The following DNER variants were observed in gnomAD, a reference collection of about 807,000 sequenced individuals.
DNER encodes delta/notch like EGF repeat containing.
DNER carries 33 observed loss-of-function variants against 78.2 expected under a neutral mutation model. That is an observed-to-expected ratio of 0.42 (90% CI 0.32 to 0.56). DNER has a LOEUF of 0.56. DNER is among the 20% of genes least tolerant of loss of function. The pLI is 0.11. For missense variants in DNER, 918 were observed against 975.3 expected (o/e 0.94, Z 0.78); for synonymous variants, 417 against 384.8 (o/e 1.08, Z -0.98).
Position 229,585,929 on chromosome 2 carries a change from G to T in DNER, c.776C>A (p.Thr259Asn), listed in dbSNP as rs1214258442. The T allele has an allele frequency of 2.5e-6, 4 of 1,614,070 alleles. No individual in the cohort carries two copies. The Admixed American group carries it at 5.0e-5, about 20-fold the overall frequency. ...CAGTCCCCCTGAAGCCTGAAGGGGG[G>T]TCACACTTCGTCCATCTATGAGGGA... ...QCSLIDGRSVTPLQASGGLVL... is the reference protein window; with the variant it reads ...QCSLIDGRSVNPLQASGGLVL... Residue 259 changes from threonine to asparagine, a missense_variant, in exon 4 of 13, where the codon ACC becomes AAC. Physicochemically the swap from Thr to Asn is moderately conservative, Grantham distance 65. Coordinates refer to ENST00000341772, the MANE Select transcript of DNER (RefSeq NM_139072.4).
chr2:229,400,049 G>GT (rs1559341499), intron 10 of DNER, among the ~76,000 whole-genome samples: 9 of 151,726 alleles, frequency 5.9e-5, no homozygotes, highest in Non-Finnish European at 1.3e-4. Context: ...TTTCCACAAG[G>GT]GTATAAGTTA....
chr2:229,516,374 G>T (rs1391192664), intron 5 of DNER, among the ~76,000 whole-genome samples: 1 of 152,168 alleles, frequency 6.6e-6, no homozygotes, highest in African/African-American at 2.4e-5. Context: ...TTAACTCATT[G>T]CCTGTGATAT....
intron 4 of DNER, among the ~76,000 whole-genome samples, chr2:229,563,333 GACCATCATCATCATCCTCCTTACCCCATC>G (rs1289562683): frequency 2.6e-4 from 12 of 46,218 alleles, no homozygotes; most frequent in Non-Finnish European, 5.2e-4. Context: ...ATCACACCAT[GACCATCATCATCATCCTCCTTACCCCATC>G]ACCATCATCA....
chr2:229,463,653 T>C (rs2154210930), intron 7 of DNER, among the ~76,000 whole-genome samples: 1 of 152,266 alleles, frequency 6.6e-6, no homozygotes, highest in Non-Finnish European at 1.5e-5. Context: ...TTGCCCAGGC[T>C]TGTCTTGAAC....
At chr2:229,470,180 T>C (rs1281974204) in intron 7 of DNER, among the ~76,000 whole-genome samples, 1 of 150,784 alleles carries the variant, frequency 6.6e-6, no homozygotes, top group Non-Finnish European at 1.5e-5. Flanking sequence ...GACACACACC[T>C]TTAGAAATCA....
At chr2:229,623,395 C>G (rs1019085232) in intron 1 of DNER, among the ~76,000 whole-genome samples, 4 of 152,144 alleles carry the variant, frequency 2.6e-5, no homozygotes, top group Non-Finnish European at 5.9e-5. Context: ...TGCCTGCTCC[C>G]CCTCCCATCA....
At position 229,453,939 on chromosome 2, in the gene DNER, AAAAG is replaced by A. The variant is rs1379205592; in HGVS notation, c.1262-6403_1262-6400del. 1.3e-4 allele frequency among the ~76,000 whole-genome samples: 18 copies of A among 138,354 alleles called. No individual in the cohort carries two copies. In the East Asian group the frequency reaches 3.5e-3, roughly 27 times the overall value. 90.8% of individuals were successfully genotyped at this position (138,354 alleles called of 152,430 possible). ...ATATATTAAAAAAAAAAAAAAAAAAAAAAGAAAGAAGAGAAACCAGGAGAGAAAG... is the reference window on the plus strand; with the variant it reads ...ATATATTAAAAAAAAAAAAAAAAAAAAAAGAAGAGAAACCAGGAGAGAAAG... On this transcript the variant is annotated intron_variant, in intron 7 of 12. Coordinates refer to ENST00000341772, the MANE Select transcript of DNER (RefSeq NM_139072.4).
chr2:229,592,757 C>T (rs1697631920), intron 1 of DNER, among the ~76,000 whole-genome samples: 1 of 152,184 alleles, frequency 6.6e-6, no homozygotes, highest in African/African-American at 2.4e-5. Context: ...GTTCTCAGCA[C>T]CTGTTCAATT....
intron 1 of DNER, among the ~76,000 whole-genome samples, chr2:229,650,709 C>T (rs541058666): frequency 3.1e-4 from 47 of 152,304 alleles, no homozygotes; most frequent in Non-Finnish European, 8.8e-5. Context: ...CCTGCCAGAA[C>T]GGGCTCTACT....
At chr2:229,500,431 C>T (rs1033636375) in intron 6 of DNER, among the ~76,000 whole-genome samples, 1 of 152,074 alleles carries the variant, frequency 6.6e-6, no homozygotes, top group Non-Finnish European at 1.5e-5. Context: ...CTCTTGAACA[C>T]TGGGAATGCA....
At chr2:229,496,640 G>A (rs1379603325) in intron 6 of DNER, among the ~76,000 whole-genome samples, 1 of 152,146 alleles carries the variant, frequency 6.6e-6, no homozygotes. Context: ...AACCAAAAGA[G>A]AGCAGGGATA....
rs190823546 is a variant in DNER, at chr2:229,643,231, T to C, written c.277-51343A>G. Among the ~76,000 whole-genome samples the C allele has an allele frequency of 1.4e-3, 211 of 152,038 alleles. 1 individual carries two copies. Among genetic ancestry groups the C allele is most frequent in the African/African-American group, 4.2e-3 (175 of 41,452 alleles). On this transcript the variant is annotated intron_variant, in intron 1 of 12. Coordinates refer to ENST00000341772, the MANE Select transcript of DNER (RefSeq NM_139072.4). ...GCCCCTGTCTCAAAAATAATAATAA[T>C]AATAAGGAATTTGAATAGTGTAGTG...
chr2:229,713,451 C>G (rs1213331551), intron 1 of DNER, among the ~76,000 whole-genome samples: 2 of 152,222 alleles, frequency 1.3e-5, no homozygotes, highest in African/African-American at 4.8e-5. Context: ...CAGCCCCAAG[C>G]GTGCGCCCCG....
intron 2 of DNER, among the ~76,000 whole-genome samples, chr2:229,590,077 G>C (rs570043596): frequency 6.6e-6 from 1 of 151,082 alleles, no homozygotes. Context: ...GATGAAACCC[G>C]TAATAATAAC....
intron 1 of DNER, among the ~76,000 whole-genome samples, chr2:229,640,201 T>G (rs1698592580): frequency 6.6e-6 from 1 of 152,242 alleles, no homozygotes. Flanking sequence ...AAGTGTGCTT[T>G]CGTGAAGTAA....
At chr2:229,536,911 T>C (rs1696414724) in intron 5 of DNER, among the ~76,000 whole-genome samples, 1 of 152,198 alleles carries the variant, frequency 6.6e-6, no homozygotes, top group Admixed American at 6.5e-5. Flanking sequence ...TACCCTCATT[T>C]TCTCAAACTT....
intron 5 of DNER, among the ~76,000 whole-genome samples, chr2:229,533,487 T>C (rs1325104826): frequency 6.6e-6 from 1 of 152,144 alleles, no homozygotes; most frequent in African/African-American, 2.4e-5. Context: ...AAATGTCAAT[T>C]TCACCTCGAA....
chr2:229,582,627 C>T (rs181066644), intron 4 of DNER, among the ~76,000 whole-genome samples: 397 of 152,206 alleles, frequency 2.6e-3, no homozygotes, highest in Non-Finnish European at 4.4e-3. Context: ...AATTCCTTAA[C>T]ATAGTTATTA....
intron 1 of DNER, among the ~76,000 whole-genome samples, chr2:229,593,389 G>A (rs559762263): frequency 9.2e-5 from 14 of 152,214 alleles, no homozygotes; most frequent in South Asian, 4.1e-4. Flanking sequence ...GACGTTGCAC[G>A]GCTTTCTTCC....
Sources: gnomAD v4.1 joint callset for allele counts (sites outside exome capture counted in the v4.1 genomes callset) on GRCh38, gnomAD v4.1.1 for gene constraint, MANE v1.5 for transcripts, NCBI Gene and HGNC (gene_info 2026-07-23, HGNC 2026-07-21) for gene names.